The following IGSF21 variants were observed in gnomAD, a reference collection of about 807,000 sequenced individuals.
IGSF21 encodes immunoglobin superfamily member 21, also known as immunoglobulin superfamily member 21.
Under a neutral mutation model 46.8 loss-of-function variants are expected in IGSF21, and 28 were observed. The observed-to-expected ratio is 0.60, with a 90% CI of 0.44 to 0.82. The LOEUF (loss-of-function observed/expected upper bound fraction) is 0.82. Ranked by LOEUF, IGSF21 falls within the 40% of genes least tolerant of loss-of-function variation. The pLI, the probability that IGSF21 is intolerant of heterozygous loss-of-function variation, is 0.00. For missense variants in IGSF21, 624 were observed against 665.5 expected (o/e 0.94, Z 0.69); for synonymous variants, 284 against 273.6 (o/e 1.04, Z -0.38).
rs750653137 is a variant in IGSF21 at position 18,322,695 on chromosome 1, C to T, written c.306-12197C>T. The stretch of plus-strand genomic sequence containing the variant: ...GTGAAGGTAGGAAAAACACTCTGAA[C>T]CCTGGGCCCTCCCGCCCCTGCCCAC... On this transcript the variant is annotated intron_variant, in intron 3 of 9. Coordinates refer to ENST00000251296, the MANE Select transcript of IGSF21 (RefSeq NM_032880.5). This position sits in a 1 kb window ranked among gnomAD's most constrained non-coding sequence, Gnocchi z 4.3. 2.0e-5 allele frequency among the ~76,000 whole-genome samples: 3 copies of T among 152,130 alleles called. No homozygotes were observed. The highest frequency in any genetic ancestry group is 7.2e-5 in the African/African-American group (3 of 41,420).
intron 1 of IGSF21, chr1:18,110,924 C>G (rs1478273868): frequency 2.0e-5 from 3 of 152,412 alleles, no homozygotes; most frequent in African/African-American, 7.2e-5. Flanking sequence ...TAGGGGTAGC[C>G]CACGGCCCCA....
intron 1 of IGSF21, among the ~76,000 whole-genome samples, chr1:18,210,262 C>G (rs971066220): frequency 7.9e-5 from 12 of 152,142 alleles, no homozygotes; most frequent in Non-Finnish European, 1.6e-4. Context: ...GGGATCCCCC[C>G]CAGACACTCT....
chr1:18,270,683 C>T (rs535359278), intron 2 of IGSF21, among the ~76,000 whole-genome samples: 6 of 152,196 alleles, frequency 3.9e-5, no homozygotes, highest in Non-Finnish European at 7.4e-5. Flanking sequence ...TGAAAACAGC[C>T]GGGCTCCGTG....
At chr1:18,295,232 G>A (rs939787834) in intron 3 of IGSF21, among the ~76,000 whole-genome samples, 13 of 152,152 alleles carry the variant, frequency 8.5e-5, no homozygotes, top group African/African-American at 2.9e-4. Flanking sequence ...TGGATAGAGC[G>A]TCCCAGAGGC....
Position 18,378,396 on chromosome 1 carries a change from T to G in IGSF21, c.*70T>G. On this transcript the variant is annotated 3_prime_UTR_variant, in exon 10 of 10. Coordinates refer to ENST00000251296, the MANE Select transcript of IGSF21 (RefSeq NM_032880.5). The stretch of plus-strand genomic sequence containing the variant: ...ACCGGTTTTCATTTCTTTTCTAAAC[T>G]ATTTCCAGTCTTGTTCTTAGTCTCT... The G allele has an allele frequency of 7.9e-7, 1 of 1,273,354 alleles. No individual in the cohort carries two copies. The highest frequency in any genetic ancestry group is 1.3e-5 in the South Asian group (1 of 79,956). The allele number at this position is 1,273,354 out of a possible 1,614,324, so 78.9% of individuals were successfully genotyped here. A position where few individuals can be genotyped will look rare whatever the true frequency, so the allele number is the denominator to read the frequency against.
chr1:18,352,057 T>G (rs1047740630), intron 4 of IGSF21, among the ~76,000 whole-genome samples: 6 of 152,246 alleles, frequency 3.9e-5, no homozygotes, highest in African/African-American at 1.4e-4. Flanking sequence ...GCACCGGTTG[T>G]GGGGAGTGGA....
chr1:18,249,459 T>G (rs2124525272), intron 2 of IGSF21, among the ~76,000 whole-genome samples: 1 of 152,126 alleles, frequency 6.6e-6, no homozygotes. Flanking sequence ...CTTCACCAGA[T>G]GCAGAAGGTG....
chr1:18,186,819 G>A (rs1399631758), intron 1 of IGSF21, among the ~76,000 whole-genome samples: 10 of 152,028 alleles, frequency 6.6e-5, no homozygotes. Context: ...TGATCTCCCT[G>A]CCCTCACCTA....
In IGSF21 at chr1:18,108,985, AGT is replaced by A. The variant is rs10686337; in HGVS notation, c.70+816_70+817del. ...GGGGCTGGGGAGTTGTGAGCAGCTC[AGT>A]GTGTGTGTGTGTGTGTGTGTGTGTG... On this transcript the variant is annotated intron_variant, in intron 1 of 9. Coordinates refer to ENST00000251296, the MANE Select transcript of IGSF21 (RefSeq NM_032880.5). 3.0e-4 allele frequency among the ~76,000 whole-genome samples: 38 copies of A among 127,874 alleles called. 1 individual carries two copies. Among genetic ancestry groups the A allele is most frequent in the Middle Eastern group, 4.0e-3 (1 of 248 alleles). 83.9% of individuals were successfully genotyped at this position (127,874 alleles called of 152,430 possible).
intron 1 of IGSF21, among the ~76,000 whole-genome samples, chr1:18,193,444 A>G (rs1213630712): frequency 1.3e-5 from 2 of 152,196 alleles, no homozygotes; most frequent in Non-Finnish European, 2.9e-5. Context: ...CACGATCACA[A>G]GGTCCCACAA....
At chr1:18,253,490 A>C (rs975948770) in intron 2 of IGSF21, among the ~76,000 whole-genome samples, 1 of 151,982 alleles carries the variant, frequency 6.6e-6, no homozygotes, top group Non-Finnish European at 1.5e-5. Context: ...TGCCCAGAGA[A>C]CCCCCAGGCT....
chr1:18,113,855 G>A (rs1190871910), intron 1 of IGSF21: 1 of 152,146 alleles, frequency 6.6e-6, no homozygotes, highest in Admixed American at 6.5e-5. Flanking sequence ...TACAAGCAGA[G>A]CTCTTAGCTC....
chr1:18,253,109 T>G (rs893228180), intron 2 of IGSF21, among the ~76,000 whole-genome samples: 1 of 152,160 alleles, frequency 6.6e-6, no homozygotes, highest in Non-Finnish European at 1.5e-5. Flanking sequence ...AGGAACTCAC[T>G]CTACCATAAT....
intron 2 of IGSF21, among the ~76,000 whole-genome samples, chr1:18,279,345 A>G (rs2085135990): frequency 6.6e-6 from 1 of 152,228 alleles, no homozygotes. Context: ...ACATTGTCTA[A>G]TTCATGGCAA....
chr1:18,202,801 G>A (rs936369699), intron 1 of IGSF21, among the ~76,000 whole-genome samples: 1 of 152,174 alleles, frequency 6.6e-6, no homozygotes, highest in Non-Finnish European at 1.5e-5. Context: ...ATCTATTTTT[G>A]GTTGGAACCA....
intron 1 of IGSF21, among the ~76,000 whole-genome samples, chr1:18,225,746 C>T (rs2084560157): frequency 1.3e-5 from 2 of 152,266 alleles, no homozygotes; most frequent in Admixed American, 6.5e-5. Flanking sequence ...TATCACAGTT[C>T]CTGCCACAAT....
chr1:18,342,065 TTTTGTTTG>T (rs1553165078), intron 4 of IGSF21, among the ~76,000 whole-genome samples: 2 of 124,462 alleles, frequency 1.6e-5, no homozygotes, highest in African/African-American at 5.2e-5. Flanking sequence ...TTTTTTTTTT[TTTTGTTTG>T]TTTGTTTGTT....
At chr1:18,163,574 G>A (rs2086649091) in intron 1 of IGSF21, among the ~76,000 whole-genome samples, 3 of 152,190 alleles carry the variant, frequency 2.0e-5, no homozygotes, top group African/African-American at 4.8e-5. Context: ...CATCGGTCTC[G>A]GTTTCCCCAG....
intron 4 of IGSF21, among the ~76,000 whole-genome samples, chr1:18,359,482 AG>A (rs879312139): frequency 0.014 from 1,823 of 128,606 alleles, 58 homozygotes; most frequent in African/African-American, 0.049. Flanking sequence ...GAAGGAAGGA[AG>A]GAAGGAAGGA....
Sources: gnomAD v4.1 joint callset for allele counts (sites outside exome capture counted in the v4.1 genomes callset) on GRCh38, gnomAD v4.1.1 for gene constraint, Gnocchi (gnomAD v3.1) non-coding constraint, MANE v1.5 for transcripts, NCBI Gene and HGNC (gene_info 2026-07-23, HGNC 2026-07-21) for gene names.